The following KPNA6 variants were observed in gnomAD, a reference collection of about 807,000 sequenced individuals.
KPNA6 encodes the protein importin subunit alpha-7.
A neutral mutation model predicts 72.0 loss-of-function variants in KPNA6; 9 were observed. The ratio of observed to expected loss-of-function variants is 0.13; its 90% confidence interval spans 0.08 to 0.22. The LOEUF (loss-of-function observed/expected upper bound fraction) is 0.22, where lower values mean the gene tolerates loss of function less well. Among genes scored for constraint, KPNA6 ranks in the 10% least tolerant of loss-of-function variants. The pLI, the probability that KPNA6 is intolerant of heterozygous loss-of-function variation, is 1.00. For synonymous variants in KPNA6, 219 were observed against 242.1 expected, an observed-to-expected ratio of 0.90 and a Z score of 0.89; for missense variants, 374 against 655.7, an observed-to-expected ratio of 0.57 and a Z score of 4.69.
chr1:32,165,201 C>T (rs745817036), intron 10 of KPNA6, among the ~76,000 whole-genome samples: 39 of 152,190 alleles, frequency 2.6e-4, no homozygotes, highest in Admixed American at 1.4e-3. Flanking sequence ...AGCCACCTCA[C>T]CCAGACCAAC....
chr1:32,154,901 A>G (rs560019391), intron 2 of KPNA6, among the ~76,000 whole-genome samples, 180 bp downstream of exon 2: 191 of 152,184 alleles, frequency 1.3e-3, no homozygotes, highest in African/African-American at 4.3e-3. Flanking sequence ...TGAGGTCAGG[A>G]GTTCAAGACC....
At chr1:32,157,278 C>T in intron 3 of KPNA6, 68 bp from the exon 4 acceptor site, 3 of 1,168,834 alleles carry the variant, frequency 2.6e-6, no homozygotes, top group Admixed American at 1.8e-5. Context: ...GGATGCCAAG[C>T]AGTATTATGT....
At chr1:32,149,903 A>G (rs1011896603) in intron 1 of KPNA6, among the ~76,000 whole-genome samples, 1 of 152,080 alleles carries the variant, frequency 6.6e-6, no homozygotes, top group Non-Finnish European at 1.5e-5. Context: ...CCAGAACATT[A>G]AAAATGTTTT....
Position 32,171,625 on chromosome 1 carries a change from T to A in KPNA6, c.*731T>A, listed in dbSNP as rs1642438545. 1 of 152,066 alleles carries A rather than the reference T, an allele frequency of 6.6e-6. No homozygotes were observed. The highest frequency in any genetic ancestry group is 2.4e-5 in the African/African-American group (1 of 41,382). The allele number at this position is 152,066 out of a possible 1,614,324, so 9.4% of individuals were successfully genotyped here. A position where few individuals can be genotyped will look rare whatever the true frequency, so the allele number is the denominator to read the frequency against. On this transcript the variant is annotated 3_prime_UTR_variant, in exon 14 of 14. Coordinates refer to ENST00000373625, the MANE Select transcript of KPNA6 (RefSeq NM_012316.5). Reference sequence around the variant, plus strand: ...TGACTCTTTGCCCAGACCTCTTTAGTTTGGGGGATCCTCCTCACTCTCCTG... The same window carrying A: ...TGACTCTTTGCCCAGACCTCTTTAGATTGGGGGATCCTCCTCACTCTCCTG...
At chr1:32,143,122 G>T in intron 1 of KPNA6, 1 of 644,070 alleles carries the variant, frequency 1.6e-6, no homozygotes, top group Non-Finnish European at 2.5e-6. Context: ...GAGTGCAGAG[G>T]TGCAGACACA....
intron 10 of KPNA6, 90 bp from the exon 11 acceptor site, chr1:32,166,011 AAAAC>A (rs1417861222): frequency 6.3e-6 from 9 of 1,418,192 alleles, no homozygotes; most frequent in South Asian, 1.5e-5. Context: ...AAAAAAAACA[AAAAC>A]AACAACAACA....
chr1:32,126,727 A>G (rs1641542620), intron 1 of KPNA6, among the ~76,000 whole-genome samples: 1 of 152,146 alleles, frequency 6.6e-6, no homozygotes, highest in South Asian at 2.1e-4. Flanking sequence ...TAATTTTCTA[A>G]TGAGTAATGA....
In KPNA6 at chr1:32,167,176, T is replaced by G. The variant is rs760640550; in HGVS notation, c.1124T>G (p.Ile375Arg). ...AGNRAQIQAVIDANIFPVLIE... is the reference protein window; with the variant it reads ...AGNRAQIQAVRDANIFPVLIE... ...CTCTCAATTCTCTCTCAGGCTGTTA[T>G]AGATGCAAATATCTTCCCTGTGTTG... The change falls in exon 12 of 14, where the codon ATA becomes AGA. Residue 375 changes from isoleucine (I) to arginine (R), a missense_variant. Around this residue, in one of 3 missense-constraint regions of KPNA6, gnomAD observed 298 missense variants for 495.4 expected, o/e 0.60. Coordinates refer to ENST00000373625, the MANE Select transcript of KPNA6 (RefSeq NM_012316.5). 3 of 1,614,030 alleles carry G rather than the reference T, an allele frequency of 1.9e-6. No individual in the cohort carries two copies. Among genetic ancestry groups the G allele is most frequent in the Non-Finnish European group, 2.5e-6 (3 of 1,179,930 alleles).
intron 10 of KPNA6, 34 bp downstream of exon 10, chr1:32,163,347 G>A (rs747584381): frequency 1.3e-6 from 2 of 1,504,310 alleles, no homozygotes; most frequent in African/African-American, 2.7e-5. Flanking sequence ...TCTTAGACCA[G>A]CTATGGAAGA....
chr1:32,156,896 C>T lies in KPNA6; in HGVS notation c.182C>T (p.Ala61Val), dbSNP rs774597008. ...GTGGAGCTGATTAATGAAGAAGCTG[C>T]CATGTTCGATAGTCTTCTCATGGAC... ...RNVELINEEA[A>V]MFDSLLMDSY... The change falls in exon 3 of 14, where the codon GCC (alanine) becomes GTC (valine). Residue 61 changes from alanine (A) to valine (V), a missense_variant. By Grantham distance (64) the Ala-to-Val change is moderately conservative (BLOSUM62 0). Coordinates refer to ENST00000373625, the MANE Select transcript of KPNA6 (RefSeq NM_012316.5). 1.2e-6 allele frequency: 2 copies of T among 1,614,054 alleles called. No individual in the cohort carries two copies. Among genetic ancestry groups the T allele is most frequent in the South Asian group, 1.1e-5 (1 of 91,074 alleles).
intron 1 of KPNA6, among the ~76,000 whole-genome samples, chr1:32,135,101 CTT>C (rs1263120384): frequency 1.3e-5 from 2 of 150,980 alleles, no homozygotes; most frequent in Non-Finnish European, 3.0e-5. Flanking sequence ...GAGTTTCACT[CTT>C]GTCACCCAGG....
At chr1:32,126,936 C>G (rs1422573312) in intron 1 of KPNA6, among the ~76,000 whole-genome samples, 1 of 151,896 alleles carries the variant, frequency 6.6e-6, no homozygotes, top group East Asian at 1.9e-4. Context: ...TGGTTTTTTT[C>G]TTTGACCGTA....
At chr1:32,118,829 G>T (rs1216416228) in intron 1 of KPNA6, among the ~76,000 whole-genome samples, 1 of 151,016 alleles carries the variant, frequency 6.6e-6, no homozygotes, top group East Asian at 1.9e-4. Context: ...GAGATAATAG[G>T]ATTGTTACAG....
chr1:32,156,639 A>T (rs1357295399), intron 2 of KPNA6, among the ~76,000 whole-genome samples: 1 of 152,232 alleles, frequency 6.6e-6, no homozygotes, highest in Non-Finnish European at 1.5e-5. Context: ...TCATTTCTGG[A>T]ATTTTCTGTG....
In KPNA6 at chr1:32,160,741, G is replaced by A. The variant is rs762144365; in HGVS notation, c.647+38G>A. On this transcript the variant is annotated intron_variant, in intron 7 of 13. Coordinates refer to ENST00000373625, the MANE Select transcript of KPNA6 (RefSeq NM_012316.5). ...AATCATCTGTACCTGGGCGTCTACT[G>A]GGTGGCCACGTGGCAGGTCATTTGG... The A allele has an allele frequency of 3.3e-6, 5 of 1,498,730 alleles. No homozygotes were observed. The East Asian group carries it at 9.0e-5, about 27-fold the overall frequency. The allele number at this position is 1,498,730 out of a possible 1,614,324, so 92.8% of individuals were successfully genotyped here. A position where few individuals can be genotyped will look rare whatever the true frequency, so the allele number is the denominator to read the frequency against.
chr1:32,126,711 AG>A (rs1641542501), intron 1 of KPNA6, among the ~76,000 whole-genome samples: 1 of 152,074 alleles, frequency 6.6e-6, no homozygotes, highest in Non-Finnish European at 1.5e-5. Context: ...ATCACCCAAG[AG>A]GCTATAATTT....
At chr1:32,152,941 A>C (rs1642061537) in intron 1 of KPNA6, among the ~76,000 whole-genome samples, 2 of 147,748 alleles carry the variant, frequency 1.4e-5, no homozygotes, top group South Asian at 4.4e-4. Flanking sequence ...ACATGAACCC[A>C]GGAGGCGGAG....
At chr1:32,167,320 C>A (rs752956294) in intron 12 of KPNA6, 24 bp downstream of exon 12, 1 of 1,613,590 alleles carries the variant, frequency 6.2e-7, no homozygotes, top group Non-Finnish European at 8.5e-7. Flanking sequence ...TTCCCGTTGT[C>A]TTGAATGATA....
intron 1 of KPNA6, among the ~76,000 whole-genome samples, chr1:32,148,687 G>T (rs746567369): frequency 2.7e-5 from 4 of 150,022 alleles, no homozygotes; most frequent in Non-Finnish European, 5.9e-5. Flanking sequence ...CTCCTGAGTA[G>T]CTGGGATTAC....
Sources: gnomAD v4.1 joint callset for allele counts (sites outside exome capture counted in the v4.1 genomes callset) on GRCh38, gnomAD v4.1.1 for gene constraint, gnomAD v4.1.1 regional missense constraint, MANE v1.5 for transcripts, NCBI Gene and HGNC (gene_info 2026-07-23, HGNC 2026-07-21) for gene names.